DNAH5: variants seen among roughly 807,000 people sequenced by gnomAD.
The protein encoded by DNAH5 is axonemal beta dynein heavy chain 5.
A neutral mutation model predicts 518.2 loss-of-function variants in DNAH5; 372 were observed. That is an observed-to-expected ratio of 0.72 (90% CI 0.66 to 0.78). The LOEUF (loss-of-function observed/expected upper bound fraction) is 0.78, where lower values mean the gene tolerates loss of function less well. Among genes scored for constraint, DNAH5 ranks in the 30% least tolerant of loss-of-function variants. The pLI is 0.00. For missense variants in DNAH5, 5,523 were observed against 5,687.0 expected, an observed-to-expected ratio of 0.97 and a Z score of 0.93; for synonymous variants, 2,039 against 2,025.9, an observed-to-expected ratio of 1.01 and a Z score of -0.17.
chr5:13,706,171 G>A (rs755987909), intron 76 of DNAH5, among the ~76,000 whole-genome samples: 7 of 152,196 alleles, frequency 4.6e-5, no homozygotes, highest in Non-Finnish European at 1.0e-4. Flanking sequence ...AGTTGGAGGC[G>A]ATGCACACCA....
intron 1 of DNAH5, among the ~76,000 whole-genome samples, chr5:14,009,796 T>C: frequency 6.6e-6 from 1 of 152,212 alleles, no homozygotes; most frequent in South Asian, 2.1e-4. Flanking sequence ...TGTAAAACAG[T>C]GTTTACAAAG....
At chr5:13,857,325 A>G (rs940279758) in intron 30 of DNAH5, among the ~76,000 whole-genome samples, 11 of 152,238 alleles carry the variant, frequency 7.2e-5, no homozygotes, top group South Asian at 2.1e-4. Context: ...GGACCTCTTC[A>G]AGGAGAACTA....
rs886794404 is a variant in DNAH5, at chr5:13,879,921, G to C, written c.3262+2807C>G. Among the ~76,000 whole-genome samples, 10 of 152,092 alleles carry C rather than the reference G, an allele frequency of 6.6e-5. No individual in the cohort carries two copies. In the East Asian group the frequency reaches 1.9e-3, roughly 29 times the overall value. On this transcript the variant is annotated intron_variant, in intron 21 of 78. Transcript: ENST00000265104. ...AATAATGGCAAAAACTTCCAAGCCT[G>C]GGGGAGGAAATAGAAAGCCAGCTCC...
rs374039189 is a variant in DNAH5 at position 13,793,855 on chromosome 5, TA to T, written c.8010+80del. On this transcript the variant is annotated intron_variant, in intron 48 of 78. Transcript: ENST00000265104. ...ATTATATCTTGAAAAAGTAAAAACT[TA>T]AAAAAAATTTTTAAAAACTCTTCTA... is the stretch of plus-strand genomic sequence containing the variant. The T allele has an allele frequency of 1.3e-5, 21 of 1,558,518 alleles. No individual in the cohort carries two copies. The African/African-American group carries it at 2.8e-4, about 21-fold the overall frequency.
intron 1 of DNAH5, among the ~76,000 whole-genome samples, chr5:13,991,828 A>C (rs2152075405): frequency 6.6e-6 from 1 of 152,330 alleles, no homozygotes; most frequent in South Asian, 2.1e-4. Context: ...TCTGTCCCTC[A>C]GCACAGACTT....
rs762848961 is a variant in DNAH5 at position 13,885,103 on chromosome 5, C to T, written c.2869G>A (p.Glu957Lys). ...TGATGGTTGAAATGAGAGAGTAACT[C>T]GCGGGCTTCTTCCCCTAACATCTCA... Reference protein sequence around the residue: ...ETEMLGEEARELLSHFNHQNM... With the variant: ...ETEMLGEEARKLLSHFNHQNM... The change falls in exon 19 of 79, where the codon GAG becomes AAG. Residue 957 changes from glutamate to lysine, a missense_variant. By Grantham distance (56) the Glu-to-Lys change is moderately conservative. Coordinates refer to ENST00000265104, the MANE Select transcript of DNAH5 (RefSeq NM_001369.3). 2.2e-5 allele frequency: 35 copies of T among 1,614,094 alleles called. No homozygotes were observed. In the Middle Eastern group the frequency reaches 4.9e-4, roughly 23 times the overall value.
intron 46 of DNAH5, among the ~76,000 whole-genome samples, chr5:13,808,494 A>G (rs1241404470): frequency 1.3e-5 from 2 of 152,216 alleles, no homozygotes; most frequent in Non-Finnish European, 2.9e-5. Flanking sequence ...CTTTGGGGAA[A>G]AGCAAGTCAA....
In DNAH5 at chr5:13,769,076, T is replaced by C. The variant is rs146215039; in HGVS notation, c.9781A>G (p.Lys3261Glu). 1.4e-4 allele frequency: 220 copies of C among 1,614,232 alleles called. No individual in the cohort carries two copies. The East Asian group carries it at 2.4e-3, about 18-fold the overall frequency. The change falls in exon 58 of 79, where the codon AAG (lysine) becomes GAG (glutamate). Residue 3261 changes from lysine (K) to glutamate (E), a missense_variant. Transcript: ENST00000265104. ...ATGGCCTGGGCCCTGTCCTTCACCT[T>C]CTGTACCTCAGCCTTGACCTTTTCA... ...AAEKVKAEVQ[K>E]VKDRAQAIVD...
At chr5:13,963,988 A>T (rs1407561782) in intron 1 of DNAH5, among the ~76,000 whole-genome samples, 1 of 152,182 alleles carries the variant, frequency 6.6e-6, no homozygotes, top group South Asian at 2.1e-4. Context: ...ATTCTGCTTC[A>T]ACATACCTTC....
At chr5:13,817,863 C>T (rs1761660405) in intron 41 of DNAH5, among the ~76,000 whole-genome samples, 169 bp from the exon 42 acceptor site, 1 of 152,286 alleles carries the variant, frequency 6.6e-6, no homozygotes, top group East Asian at 1.9e-4. Flanking sequence ...TAATTAGCTT[C>T]ATTATACTTT....
Position 13,824,328 on chromosome 5 carries a change from A to G in DNAH5, c.6450T>C (p.His2150=). The change falls in exon 39 of 79, where the codon CAT becomes CAC. Residue 2150 remains histidine (H), a synonymous_variant. Coordinates refer to ENST00000265104, the MANE Select transcript of DNAH5 (RefSeq NM_001369.3). ...LCEEQLSKQV[H]YDFGLRNILS... ...GAATGTTACGCAGGCCAAAGTCATA[A>G]TGAACCTAGAGAATGTGAGATACAT... 1 of 1,614,104 alleles carries G rather than the reference A, an allele frequency of 6.2e-7. No homozygotes were observed. Among genetic ancestry groups the G allele is most frequent in the Non-Finnish European group, 8.5e-7 (1 of 1,179,988 alleles).
At chr5:14,005,289 C>CA (rs1397584510) in intron 1 of DNAH5, among the ~76,000 whole-genome samples, 2 of 152,200 alleles carry the variant, frequency 1.3e-5, no homozygotes, top group African/African-American at 2.4e-5. Context: ...CTTTCTATGA[C>CA]AAAAACAGTC....
chr5:13,921,164 A>T (rs1777215701), intron 5 of DNAH5, among the ~76,000 whole-genome samples: 1 of 150,286 alleles, frequency 6.7e-6, no homozygotes, highest in Non-Finnish European at 1.5e-5. Context: ...GCCCTCCATC[A>T]CAGTCAATCA....
intron 22 of DNAH5, among the ~76,000 whole-genome samples, chr5:13,874,073 G>T (rs531606851): frequency 6.6e-6 from 1 of 152,300 alleles, no homozygotes; most frequent in East Asian, 1.9e-4. Flanking sequence ...TTCAATGGAT[G>T]TTGATACTTC....
intron 2 of DNAH5, among the ~76,000 whole-genome samples, chr5:13,929,429 C>A (rs1017964261): frequency 1.3e-5 from 2 of 152,072 alleles, no homozygotes; most frequent in African/African-American, 2.4e-5. Flanking sequence ...GTAATGTGAA[C>A]GTACTTAACA....
intron 35 of DNAH5, 45 bp downstream of exon 35, chr5:13,839,311 C>T (rs767666722): frequency 7.5e-6 from 12 of 1,589,924 alleles, no homozygotes; most frequent in East Asian, 6.7e-5. Flanking sequence ...CTGAGCAACT[C>T]GAGAGAATAA....
intron 17 of DNAH5, among the ~76,000 whole-genome samples, chr5:13,888,403 T>C (rs1452720392): frequency 3.9e-5 from 6 of 152,212 alleles, no homozygotes; most frequent in Admixed American, 3.9e-4. Context: ...AATGTTCACA[T>C]AGCTTGCACT....
intron 64 of DNAH5, 29 bp downstream of exon 64, chr5:13,752,105 G>C (rs1561174223): frequency 6.2e-7 from 1 of 1,611,926 alleles, no homozygotes; most frequent in South Asian, 1.1e-5. Context: ...TAATTGTTCT[G>C]CACATTGTCA....
chr5:13,965,948 TG>T (rs1332726326), intron 1 of DNAH5, among the ~76,000 whole-genome samples: 2 of 152,118 alleles, frequency 1.3e-5, no homozygotes, highest in Non-Finnish European at 2.9e-5. Flanking sequence ...TCTGAGATTT[TG>T]GTGCACCCAT....
Sources: allele counts gnomAD v4.1 joint callset (sites outside exome capture counted in the v4.1 genomes callset), GRCh38; gene constraint gnomAD v4.1.1; transcripts MANE v1.5; gene names NCBI Gene and HGNC (gene_info 2026-07-23, HGNC 2026-07-21).